CNOT6: variants seen among roughly 807,000 people sequenced by gnomAD.
CNOT6 encodes carbon catabolite repression 4 protein.
CNOT6 carries 12 observed loss-of-function variants against 61.2 expected under a neutral mutation model. The observed-to-expected ratio is 0.20, with a 90% CI of 0.13 to 0.32. The LOEUF is 0.32. Among genes scored for constraint, CNOT6 ranks in the 10% least tolerant of loss-of-function variants. The pLI, the probability that CNOT6 is intolerant of heterozygous loss-of-function variation, is 1.00. For missense variants in CNOT6, 405 were observed against 663.9 expected (o/e 0.61, Z 4.28); for synonymous variants, 225 against 240.6 (o/e 0.94, Z 0.60).
At chr5:180,505,515 CA>C (rs1757093881) in intron 1 of CNOT6, among the ~76,000 whole-genome samples, 1 of 146,308 alleles carries the variant, frequency 6.8e-6, no homozygotes, top group African/African-American at 2.6e-5. Flanking sequence ...CTCGGCCTCC[CA>C]AAGTACTGGG....
intron 2 of CNOT6, among the ~76,000 whole-genome samples, chr5:180,536,188 A>G (rs2127728320): frequency 6.7e-6 from 1 of 150,320 alleles, no homozygotes; most frequent in Non-Finnish European, 1.5e-5. Flanking sequence ...TTTAGTAGAG[A>G]TGGGGTTTCA....
chr5:180,559,614 T>C (rs1760069081), intron 4 of CNOT6, among the ~76,000 whole-genome samples: 1 of 152,206 alleles, frequency 6.6e-6, no homozygotes, highest in Admixed American at 6.5e-5. Flanking sequence ...AGTTAGGGTG[T>C]AAGTCGTAAG....
At chr5:180,516,548 C>G (rs1007257377) in intron 1 of CNOT6, among the ~76,000 whole-genome samples, 13 of 152,140 alleles carry the variant, frequency 8.5e-5, no homozygotes, top group Admixed American at 7.2e-4. Flanking sequence ...GTCTCATTTC[C>G]CTTGAAGAAA....
chr5:180,535,987 GGTTTTTT>G, intron 2 of CNOT6, among the ~76,000 whole-genome samples: 1 of 109,384 alleles, frequency 9.1e-6, no homozygotes, highest in African/African-American at 3.1e-5. Flanking sequence ...CACTTATTAG[GGTTTTTT>G]TTTTTTTTTT....
chr5:180,532,678 T>C (rs192407978), intron 2 of CNOT6, among the ~76,000 whole-genome samples: 10 of 152,254 alleles, frequency 6.6e-5, no homozygotes, highest in Non-Finnish European at 1.5e-4. Flanking sequence ...CCACGGTTTG[T>C]GGACTCAGTC....
In CNOT6 at chr5:180,567,338, CACTATATTATT is replaced by C; in HGVS notation, c.872+100_872+110del. The C allele has an allele frequency of 6.6e-6, 7 of 1,057,626 alleles. No individual in the cohort carries two copies. In the South Asian group the frequency reaches 1.2e-4, roughly 18 times the overall value. 65.5% of individuals were successfully genotyped at this position (1,057,626 alleles called of 1,614,324 possible). ...CTAATTGGCAAATGAGAGAATGAGG[CACTATATTATT>C]ACTGAAGCAAAGAATACTGTTTGAC... On this transcript the variant is annotated intron_variant, in intron 8 of 11. Coordinates refer to ENST00000261951, the MANE Select transcript of CNOT6 (RefSeq NM_001370472.1).
intron 2 of CNOT6, among the ~76,000 whole-genome samples, chr5:180,546,718 C>G (rs1233069653): frequency 1.3e-5 from 2 of 152,192 alleles, no homozygotes; most frequent in African/African-American, 4.8e-5. Context: ...AGATTTCCAT[C>G]TGGTATTTTA....
At chr5:180,555,790 C>G (rs1039871748) in intron 4 of CNOT6, among the ~76,000 whole-genome samples, 2 of 152,150 alleles carry the variant, frequency 1.3e-5, no homozygotes, top group Non-Finnish European at 2.9e-5. Flanking sequence ...TGTTTGTTTG[C>G]TATTATACGT....
chr5:180,562,125 C>G (rs1760217472), intron 4 of CNOT6, among the ~76,000 whole-genome samples: 1 of 152,138 alleles, frequency 6.6e-6, no homozygotes, highest in Admixed American at 6.5e-5. Flanking sequence ...TCTGGCATAT[C>G]TGAGGCAAAA....
chr5:180,564,783 GTC>G lies in CNOT6; in HGVS notation c.559+44_559+45del. 5 of 1,404,066 alleles carry G rather than the reference GTC, an allele frequency of 3.6e-6. No individual in the cohort carries two copies. The South Asian group carries it at 5.8e-5, about 16-fold the overall frequency. The allele number at this position is 1,404,066 out of a possible 1,614,324, so 87.0% of individuals were successfully genotyped here. ...ATTTTTTAACTGTTATTTTTGCTCAGTCTCTATAAGCCTAACAGTATTGTCAG... is the reference window on the plus strand; with the variant it reads ...ATTTTTTAACTGTTATTTTTGCTCAGTCTATAAGCCTAACAGTATTGTCAG... On this transcript the variant is annotated intron_variant, in intron 6 of 11. Coordinates refer to ENST00000261951, the MANE Select transcript of CNOT6 (RefSeq NM_001370472.1).
chr5:180,563,400 GC>G (rs59486543), intron 4 of CNOT6, among the ~76,000 whole-genome samples: 127,763 of 150,970 alleles, frequency 0.85, 54,372 homozygotes, highest in East Asian at 1. Flanking sequence ...GTTTGTTTTT[GC>G]TTTTTTTTTC....
At chr5:180,502,963 A>T (rs1361145930) in intron 1 of CNOT6, among the ~76,000 whole-genome samples, 4 of 152,246 alleles carry the variant, frequency 2.6e-5, no homozygotes, top group Non-Finnish European at 5.9e-5. Context: ...ATCTAAAATT[A>T]TGACAATGAT....
intron 2 of CNOT6, among the ~76,000 whole-genome samples, chr5:180,537,866 A>T (rs1298952230): frequency 6.9e-6 from 1 of 144,866 alleles, no homozygotes; most frequent in Non-Finnish European, 1.5e-5. Context: ...GTTCATTGCC[A>T]GTGTATAAGA....
intron 2 of CNOT6, among the ~76,000 whole-genome samples, chr5:180,530,561 C>CTTTTTTTTTTTTTTTTTTT (rs70973925): frequency 8.4e-6 from 1 of 119,450 alleles, no homozygotes; most frequent in Non-Finnish European, 1.8e-5. Context: ...CTTCTGATTT[C>CTTTTTTTTTTTTTTTTTTT]TTTTTTTTTT....
At chr5:180,509,067 G>T (rs955346008) in intron 1 of CNOT6, among the ~76,000 whole-genome samples, 42 of 152,080 alleles carry the variant, frequency 2.8e-4, no homozygotes, top group African/African-American at 9.2e-4. Context: ...TGATCCACCT[G>T]CATTGGCCTC....
At chr5:180,538,686 G>GTATATATATATATATATATATATATATA (rs59342527) in intron 2 of CNOT6, among the ~76,000 whole-genome samples, 5 of 85,120 alleles carry the variant, frequency 5.9e-5, no homozygotes, top group South Asian at 1.1e-3. Context: ...TGAGAAAAAG[G>GTATATATATATATATATATATATATATA]TATATATATA....
chr5:180,505,765 G>A (rs1434117419), intron 1 of CNOT6, among the ~76,000 whole-genome samples: 2 of 152,130 alleles, frequency 1.3e-5, no homozygotes, highest in African/African-American at 4.8e-5. Flanking sequence ...AGCCAGGATA[G>A]TGTTGATCTC....
At chr5:180,509,201 G>A (rs1336159768) in intron 1 of CNOT6, among the ~76,000 whole-genome samples, 4 of 152,104 alleles carry the variant, frequency 2.6e-5, no homozygotes, top group Non-Finnish European at 5.9e-5. Flanking sequence ...GTGCGATCTT[G>A]GCTCACTGCA....
rs1399840367 is a variant in CNOT6, at chr5:180,564,663, C to G, written c.491-12C>G. 2 of 1,613,098 alleles carry G rather than the reference C, an allele frequency of 1.2e-6. No homozygotes were observed. Among genetic ancestry groups the G allele is most frequent in the East Asian group, 2.2e-5 (1 of 44,854 alleles). ...AGAATATTGCTTAATTCTGTATTTT[C>G]TATTCAACTAGTTACAACAGAACAA... On this transcript the variant is annotated splice_polypyrimidine_tract_variant and intron_variant, in intron 5 of 11. Transcript: ENST00000261951.
Sources: allele counts gnomAD v4.1 joint callset (sites outside exome capture counted in the v4.1 genomes callset), GRCh38; gene constraint gnomAD v4.1.1; transcripts MANE v1.5; gene names NCBI Gene and HGNC (gene_info 2026-07-23, HGNC 2026-07-21).